The following LHX8 variants were observed in gnomAD, a reference collection of about 807,000 sequenced individuals.
LHX8 encodes the protein LIM homeobox 8.
In LHX8, 12 loss-of-function variants were observed where a neutral mutation model predicts 40.3. That is an observed-to-expected ratio of 0.30 (90% CI 0.19 to 0.48). The LOEUF is 0.48. Among genes scored for constraint, LHX8 ranks in the 20% least tolerant of loss-of-function variants. The pLI is 0.99. For missense variants in LHX8, 344 were observed against 433.7 expected (o/e 0.79, Z 1.84); for synonymous variants, 179 against 162.0 (o/e 1.10, Z -0.80).
At chr1:75,177,023 A>G in the LHX8 span, among the ~76,000 whole-genome samples, 17 of 152,018 alleles carry the variant, frequency 1.1e-4, no homozygotes, top group Non-Finnish European at 1.8e-4. Context: ...GTTCTGTTCC[A>G]TTGGTCTATA....
chr1:75,185,138 C>T, the LHX8 span, among the ~76,000 whole-genome samples: 1 of 151,562 alleles, frequency 6.6e-6, no homozygotes, highest in African/African-American at 2.4e-5. Context: ...AAAAAAAGCT[C>T]AGGACCAGAC....
Position 75,141,035 on chromosome 1 carries a change from A to G in LHX8, c.288A>G (p.Arg96=). 6.2e-7 allele frequency: 1 copy of G among 1,613,536 alleles called. No individual in the cohort carries two copies. Among genetic ancestry groups the G allele is most frequent in the African/African-American group, 1.3e-5 (1 of 75,034 alleles). ...HVRCLSCSVC[R]TSLGRHTSCY... is the part of the protein sequence containing the mutation. ...GGTGTCTCTCCTGCAGTGTTTGCAG[A>G]ACCTCCCTAGGAAGGCACACCAGCT... Residue 96 remains arginine (R), a synonymous_variant, in exon 4 of 9, where the codon AGA becomes AGG. Transcript: ENST00000356261.
At chr1:75,177,830 T>C in the LHX8 span, among the ~76,000 whole-genome samples, 1 of 152,222 alleles carries the variant, frequency 6.6e-6, no homozygotes, top group Non-Finnish European at 1.5e-5. Context: ...ATAGCTCTTA[T>C]TATTTTGAGA....
the LHX8 span, among the ~76,000 whole-genome samples, chr1:75,178,168 A>G: frequency 6.6e-6 from 1 of 152,280 alleles, no homozygotes; most frequent in Non-Finnish European, 1.5e-5. Flanking sequence ...AGGCCTTGGT[A>G]TCAGTATTAT....
chr1:75,148,714 T>G (rs1295620767), intron 7 of LHX8, 32 bp downstream of exon 7: 1 of 1,483,282 alleles, frequency 6.7e-7, no homozygotes, highest in African/African-American at 1.4e-5. Context: ...TTTTTTAAGG[T>G]TTTTAAAAAA....
the LHX8 span, among the ~76,000 whole-genome samples, chr1:75,191,742 G>T: frequency 2.0e-5 from 3 of 152,164 alleles, no homozygotes; most frequent in African/African-American, 7.2e-5. Context: ...TAAAGATAAT[G>T]GGACTAAAGA....
At chr1:75,179,905 C>A in the LHX8 span, among the ~76,000 whole-genome samples, 1 of 152,132 alleles carries the variant, frequency 6.6e-6, no homozygotes, top group African/African-American at 2.4e-5. Context: ...AATCTCTCAG[C>A]ATTTGCTTGT....
At chr1:75,137,336 C>T in intron 3 of LHX8, 75 bp downstream of exon 3, 4 of 1,436,824 alleles carry the variant, frequency 2.8e-6, no homozygotes, top group Admixed American at 1.8e-5. Context: ...GAGTAATGTT[C>T]CTCCCACCAA....
chr1:75,186,401 T>C, the LHX8 span, among the ~76,000 whole-genome samples: 1 of 152,088 alleles, frequency 6.6e-6, no homozygotes, highest in Non-Finnish European at 1.5e-5. Context: ...CCTACAACCA[T>C]CTGATCTCTG....
At position 75,138,804 on chromosome 1, in the gene LHX8, T is replaced by C. The variant is rs1648224601; in HGVS notation, c.237+1543T>C. ...CTTGTATACATTTATATATTATATA[T>C]CTTTGTATTGCATAAAAATCTAAGT... is the stretch of plus-strand genomic sequence containing the variant. On this transcript the variant is annotated intron_variant, in intron 3 of 8. Transcript: ENST00000356261. 2.0e-5 allele frequency among the ~76,000 whole-genome samples: 3 copies of C among 152,166 alleles called. No individual in the cohort carries two copies. In the South Asian group the frequency reaches 6.2e-4, roughly 31 times the overall value.
At chr1:75,186,996 G>A in the LHX8 span, among the ~76,000 whole-genome samples, 2 of 152,126 alleles carry the variant, frequency 1.3e-5, no homozygotes, top group Admixed American at 6.5e-5. Flanking sequence ...GCCTAGACTG[G>A]TATCTTGCTC....
chr1:75,161,008 C>T lies in LHX8; in HGVS notation c.*113C>T. On this transcript the variant is annotated 3_prime_UTR_variant, in exon 9 of 9. Transcript: ENST00000356261. ...TTTTTATTTAACACCTAAAGCATTT[C>T]CAACATCACTTTGCTGCCCAGGTAT... 1.2e-6 allele frequency: 1 copy of T among 806,280 alleles called. No individual in the cohort carries two copies. The highest frequency in any genetic ancestry group is 2.1e-6 in the Non-Finnish European group (1 of 473,546). 49.9% of individuals were successfully genotyped at this position (806,280 alleles called of 1,614,324 possible).
chr1:75,129,868 G>A (rs1161309721), upstream of LHX8: 4 of 151,862 alleles, frequency 2.6e-5, no homozygotes, highest in Admixed American at 2.0e-4. Flanking sequence ...GACTTGTAGG[G>A]AAACGCGGTA....
At chr1:75,154,223 A>G (rs940255982) in intron 7 of LHX8, among the ~76,000 whole-genome samples, 1 of 152,112 alleles carries the variant, frequency 6.6e-6, no homozygotes, top group Non-Finnish European at 1.5e-5. Flanking sequence ...TGATGTCTGG[A>G]ATCTTAAACT....
chr1:75,189,192 A>G, the LHX8 span, among the ~76,000 whole-genome samples: 1 of 152,368 alleles, frequency 6.6e-6, no homozygotes, highest in Non-Finnish European at 1.5e-5. Context: ...ACCATCTGAC[A>G]GACAAACAGC....
At chr1:75,144,014 C>A in intron 6 of LHX8, 66 bp downstream of exon 6, 1 of 1,180,080 alleles carries the variant, frequency 8.5e-7, no homozygotes, top group Non-Finnish European at 1.3e-6. Flanking sequence ...AAAGTAACCT[C>A]CATGCTGCCC....
At chr1:75,177,343 A>G in the LHX8 span, among the ~76,000 whole-genome samples, 1 of 152,044 alleles carries the variant, frequency 6.6e-6, no homozygotes, top group Non-Finnish European at 1.5e-5. Context: ...GTCTTCTTTT[A>G]TTTCGTTGAT....
the LHX8 span, among the ~76,000 whole-genome samples, chr1:75,178,720 G>T: frequency 9.9e-5 from 15 of 152,128 alleles, no homozygotes; most frequent in Middle Eastern, 6.8e-3. Flanking sequence ...GCTAGCTTTT[G>T]AATGTGTTTG....
At chr1:75,175,394 T>C in the LHX8 span, among the ~76,000 whole-genome samples, 1 of 152,216 alleles carries the variant, frequency 6.6e-6, no homozygotes, top group Non-Finnish European at 1.5e-5. Flanking sequence ...CTGTTTTCCA[T>C]AGTGGTTATA....
Sources: allele counts gnomAD v4.1 joint callset (sites outside exome capture counted in the v4.1 genomes callset), GRCh38; gene constraint gnomAD v4.1.1; transcripts MANE v1.5; gene names NCBI Gene and HGNC (gene_info 2026-07-23, HGNC 2026-07-21).